The following SLC8A1 variants were observed in gnomAD, a reference collection of about 807,000 sequenced individuals.
SLC8A1 encodes solute carrier family 8 member A1.
A neutral mutation model predicts 68.3 loss-of-function variants in SLC8A1; 18 were observed. The ratio of observed to expected loss-of-function variants is 0.26; its 90% confidence interval spans 0.18 to 0.39. SLC8A1 has a LOEUF of 0.39. SLC8A1 is among the 10% of genes least tolerant of loss of function. SLC8A1 has a pLI of 1.00. For missense variants in SLC8A1, 985 were observed against 1,156.7 expected (o/e 0.85, Z 2.15); for synonymous variants, 475 against 415.5 (o/e 1.14, Z -1.74).
At chr2:40,269,178 T>C (rs768900011) in intron 2 of SLC8A1, among the ~76,000 whole-genome samples, 9 of 152,196 alleles carry the variant, frequency 5.9e-5, no homozygotes, top group Non-Finnish European at 1.3e-4. Flanking sequence ...TCAATCCAGG[T>C]TTTTGTCTTT....
At chr2:40,244,253 G>A (rs544858483) in intron 2 of SLC8A1, among the ~76,000 whole-genome samples, 11 of 152,198 alleles carry the variant, frequency 7.2e-5, no homozygotes, top group African/African-American at 9.6e-5. Context: ...TTAGGAAAGC[G>A]TCAGTGCACA....
intron 2 of SLC8A1, among the ~76,000 whole-genome samples, chr2:40,200,213 T>TAA (rs1558721861): frequency 9.7e-5 from 2 of 20,528 alleles, no homozygotes; most frequent in African/African-American, 1.4e-4. Context: ...TATAAATATA[T>TAA]ATATATTTTT....
intron 2 of SLC8A1, among the ~76,000 whole-genome samples, chr2:40,390,973 G>T (rs773389701): frequency 1.3e-5 from 2 of 152,012 alleles, no homozygotes; most frequent in Non-Finnish European, 2.9e-5. Context: ...GATATATTTG[G>T]AGGCAGTTTA....
At chr2:40,148,035 T>C (rs1158994590) in intron 6 of SLC8A1, among the ~76,000 whole-genome samples, 1 of 152,238 alleles carries the variant, frequency 6.6e-6, no homozygotes, top group African/African-American at 2.4e-5. Context: ...ATGGTTTCCA[T>C]AGAGAAAAAT....
At chr2:40,327,157 C>T (rs990397689) in intron 2 of SLC8A1, among the ~76,000 whole-genome samples, 1 of 152,060 alleles carries the variant, frequency 6.6e-6, no homozygotes, top group Non-Finnish European at 1.5e-5. Flanking sequence ...ACATTTGAAA[C>T]CTATAATGCA....
At chr2:40,509,437 ATTTTTTTTTTTT>A (rs367549288) in intron 1 of SLC8A1, among the ~76,000 whole-genome samples, 18 of 113,728 alleles carry the variant, frequency 1.6e-4, no homozygotes, top group African/African-American at 4.9e-4. Context: ...GGGATTTGGA[ATTTTTTTTTTTT>A]TTTTTTTTTT....
chr2:40,435,328 T>G (rs1699178347), intron 1 of SLC8A1, among the ~76,000 whole-genome samples: 1 of 152,166 alleles, frequency 6.6e-6, no homozygotes, highest in South Asian at 2.1e-4. Context: ...GGATGAAGGC[T>G]TTTCTCATCT....
At chr2:40,418,777 T>G (rs1468951014) in intron 2 of SLC8A1, among the ~76,000 whole-genome samples, 1 of 152,208 alleles carries the variant, frequency 6.6e-6, no homozygotes, top group Non-Finnish European at 1.5e-5. Context: ...TCTGCTCTTC[T>G]GGTCTCCATC....
intron 2 of SLC8A1, among the ~76,000 whole-genome samples, chr2:40,304,912 TC>T (rs1300287251): frequency 6.6e-6 from 1 of 152,178 alleles, no homozygotes; most frequent in African/African-American, 2.4e-5. Context: ...TTGAGAATCT[TC>T]CACCTACCCA....
intron 1 of SLC8A1, among the ~76,000 whole-genome samples, chr2:40,433,857 G>T (rs940659774): frequency 2.6e-5 from 4 of 152,174 alleles, no homozygotes; most frequent in African/African-American, 9.7e-5. Context: ...TTCCATGCAG[G>T]GTCAGGAGGG....
At chr2:40,239,577 A>C (rs556585780) in intron 2 of SLC8A1, among the ~76,000 whole-genome samples, 52 of 152,280 alleles carry the variant, frequency 3.4e-4, no homozygotes, top group African/African-American at 1.2e-3. Flanking sequence ...TCCTCCTCCC[A>C]TGCACAGTCA....
At chr2:40,193,762 G>C (rs1170993822) in intron 2 of SLC8A1, among the ~76,000 whole-genome samples, 1 of 152,000 alleles carries the variant, frequency 6.6e-6, no homozygotes, top group Non-Finnish European at 1.5e-5. Context: ...GAAGGAGAGG[G>C]GGCAGGGAAG....
chr2:40,325,777 C>CAAAAAAAAA (rs3059526), intron 2 of SLC8A1, among the ~76,000 whole-genome samples: 7 of 45,006 alleles, frequency 1.6e-4, no homozygotes, highest in Non-Finnish European at 2.6e-4. Flanking sequence ...ACTAAAAATA[C>CAAAAAAAAA]AAAAAAAAAA....
chr2:40,367,568 C>T lies in SLC8A1; in HGVS notation c.1808+60905G>A, dbSNP rs138915747. ...GTATTTTCCTTGCCCTATTGAAAAC[C>T]GACAACCCACTCTCAAGTGAGACAA... On this transcript the variant is annotated intron_variant, in intron 2 of 7. Coordinates refer to ENST00000406785, the Ensembl canonical transcript of SLC8A1. Among the ~76,000 whole-genome samples the T allele has an allele frequency of 5.1e-3, 769 of 151,902 alleles. 2 individuals are homozygous for T. Among genetic ancestry groups the T allele is most frequent in the African/African-American group, 0.017 (712 of 41,456 alleles).
intron 2 of SLC8A1, among the ~76,000 whole-genome samples, chr2:40,381,500 T>G (rs1681775032): frequency 6.6e-6 from 1 of 151,888 alleles, no homozygotes; most frequent in South Asian, 2.1e-4. Flanking sequence ...TCTCTTCACT[T>G]CGTCAAAATT....
intron 2 of SLC8A1, among the ~76,000 whole-genome samples, chr2:40,296,606 CAAAGTT>C (rs1299968667): frequency 6.6e-6 from 1 of 151,944 alleles, no homozygotes; most frequent in Non-Finnish European, 1.5e-5. Context: ...CCAAATAAAA[CAAAGTT>C]AAAGACAGAA....
intron 2 of SLC8A1, among the ~76,000 whole-genome samples, chr2:40,379,672 T>C (rs1015958317): frequency 6.6e-6 from 1 of 151,834 alleles, no homozygotes; most frequent in Non-Finnish European, 1.5e-5. Context: ...AGAGAATGTG[T>C]CTGTTTACCG....
chr2:40,307,731 C>A (rs56707698), intron 2 of SLC8A1, among the ~76,000 whole-genome samples: 34,285 of 151,926 alleles, frequency 0.23, 4,213 homozygotes, highest in East Asian at 0.37. Flanking sequence ...TGTTCACAGA[C>A]AGGAACCAAG....
intron 2 of SLC8A1, among the ~76,000 whole-genome samples, chr2:40,218,868 G>C (rs962463077): frequency 6.6e-6 from 1 of 152,184 alleles, no homozygotes; most frequent in Non-Finnish European, 1.5e-5. Flanking sequence ...TCACCCCGAG[G>C]CTAATAGCAC....
Sources: allele counts gnomAD v4.1 joint callset (sites outside exome capture counted in the v4.1 genomes callset), GRCh38; gene constraint gnomAD v4.1.1; transcripts MANE v1.5; gene names NCBI Gene and HGNC (gene_info 2026-07-23, HGNC 2026-07-21).